CUX2: variants seen among roughly 807,000 people sequenced by gnomAD.
CUX2 encodes cut like homeobox 2.
Under a neutral mutation model 144.8 loss-of-function variants are expected in CUX2, and 40 were observed. The observed-to-expected ratio is 0.28, with a 90% CI of 0.21 to 0.36. CUX2 has a LOEUF of 0.36. CUX2 is among the 10% of genes least tolerant of loss of function. The probability of loss-of-function intolerance (pLI) is 1.00; values close to 1 mark genes in which losing one functional copy is unlikely to be tolerated. For synonymous variants in CUX2, 827 were observed against 875.6 expected (o/e 0.94, Z 0.98); for missense variants, 1,615 against 1,994.0 (o/e 0.81, Z 3.62).
At chr12:111,088,876 G>A (rs1384097513) in intron 1 of CUX2, among the ~76,000 whole-genome samples, 1 of 152,152 alleles carries the variant, frequency 6.6e-6, no homozygotes, top group African/African-American at 2.4e-5. Flanking sequence ...CCCGTCTGAC[G>A]AGGCTGACAG....
chr12:111,120,037 G>A (rs906595740), intron 1 of CUX2, among the ~76,000 whole-genome samples: 5 of 152,148 alleles, frequency 3.3e-5, no homozygotes, highest in African/African-American at 4.8e-5. Context: ...CAGCCTGGGC[G>A]ACAGAGTGAG....
Position 111,114,610 on chromosome 12 carries a change from A to G in CUX2, c.63+80370A>G, listed in dbSNP as rs534019895. 1.3e-4 allele frequency among the ~76,000 whole-genome samples: 20 copies of G among 152,186 alleles called. No homozygotes were observed. The South Asian group carries it at 2.1e-3, about 16-fold the overall frequency. ...CCGTGAATGTCTCTAACTCTGCCAC[A>G]CTCCAGCCATACTGGCCTTCTTTCA... is the stretch of plus-strand genomic sequence containing the variant. On this transcript the variant is annotated intron_variant, in intron 1 of 21. Coordinates refer to ENST00000261726, the MANE Select transcript of CUX2 (RefSeq NM_015267.4).
intron 4 of CUX2, among the ~76,000 whole-genome samples, chr12:111,284,296 G>A (rs1050156715): frequency 2.6e-5 from 4 of 152,118 alleles, no homozygotes; most frequent in African/African-American, 9.7e-5. Context: ...TCAGTGCATT[G>A]TCCAGGGTCA....
At position 111,057,563 on chromosome 12, in the gene CUX2, C is replaced by A. The variant is rs77913097; in HGVS notation, c.63+23323C>A. Among the ~76,000 whole-genome samples the A allele has an allele frequency of 2.8e-3, 427 of 152,164 alleles. 2 individuals carry two copies. The highest frequency in any genetic ancestry group is 4.8e-3 in the Non-Finnish European group (329 of 68,004). ...GGGACCCAGACCTCCTTACACGGGC[C>A]CCATCTTTCTCCCTGCCCTAGCCTC... On this transcript the variant is annotated intron_variant, in intron 1 of 21. Transcript: ENST00000261726. The surrounding 1 kb of genome is among the most constrained non-coding windows in gnomAD (Gnocchi z 5.1).
chr12:111,070,372 CCCTT>C (rs760726489), intron 1 of CUX2, among the ~76,000 whole-genome samples: 1 of 144,912 alleles, frequency 6.9e-6, no homozygotes, highest in African/African-American at 2.6e-5. Context: ...CTCCCTCCCT[CCCTT>C]CTTCCTTCCT....
intron 1 of CUX2, among the ~76,000 whole-genome samples, chr12:111,157,090 G>C (rs1200202769): frequency 6.7e-6 from 1 of 150,172 alleles, no homozygotes; most frequent in African/African-American, 2.5e-5. Flanking sequence ...GGGCTACACT[G>C]ATTTTTTTGC....
rs918746512 is a variant in CUX2, at chr12:111,287,438, A to T, written c.302-3980A>T. On this transcript the variant is annotated intron_variant, in intron 4 of 21. Coordinates refer to ENST00000261726, the MANE Select transcript of CUX2 (RefSeq NM_015267.4). This position sits in a 1 kb window ranked among gnomAD's most constrained non-coding sequence, Gnocchi z 4.2. ...TTTTCCTCCTGTCTCAAAAACCGGG[A>T]CACAATAGGAAGCGTTTCCTTGAAC... Among the ~76,000 whole-genome samples, 1 of 152,240 alleles carries T rather than the reference A, an allele frequency of 6.6e-6. No homozygotes were observed. The highest frequency in any genetic ancestry group is 2.4e-5 in the African/African-American group (1 of 41,460).
At chr12:111,157,574 G>T (rs1253277693) in intron 1 of CUX2, among the ~76,000 whole-genome samples, 1 of 152,200 alleles carries the variant, frequency 6.6e-6, no homozygotes, top group African/African-American at 2.4e-5. Flanking sequence ...TTGCAGGTGA[G>T]GATGGGTGAT....
intron 1 of CUX2, among the ~76,000 whole-genome samples, chr12:111,118,780 A>AAAAAATACAG (rs1344811289): frequency 5.3e-5 from 8 of 152,166 alleles, no homozygotes; most frequent in African/African-American, 1.9e-4. Flanking sequence ...AGAGAGCTTA[A>AAAAAATACAG]AAAAATACAG....
intron 4 of CUX2, among the ~76,000 whole-genome samples, chr12:111,279,077 C>T (rs926329424): frequency 1.3e-5 from 2 of 152,116 alleles, no homozygotes; most frequent in African/African-American, 4.8e-5. Context: ...GTGGAAAATA[C>T]CCAGGGAAGT....
Position 111,310,303 on chromosome 12 carries a change from C to T in CUX2, c.1521C>T (p.Phe507=), listed in dbSNP as rs1195056853. The change falls in exon 15 of 22, where the codon TTC becomes TTT. Residue 507 remains phenylalanine, a synonymous_variant. Transcript: ENST00000261726. The surrounding 1 kb of genome is among the most constrained non-coding windows in gnomAD (Gnocchi z 7.9). ...GAGAGGCGGGCGGCCTGCTGGTGTT[C>T]CCCCCAGCCTTCTATGGCGCCAAGC... ...FKGEAGGLLV[F]PPAFYGAKPP... The T allele has an allele frequency of 6.7e-6, 10 of 1,492,418 alleles. No individual in the cohort carries two copies. The highest frequency in any genetic ancestry group is 2.4e-5 in the East Asian group (1 of 41,660). The allele number at this position is 1,492,418 out of a possible 1,614,324, so 92.4% of individuals were successfully genotyped here. A position where few individuals can be genotyped will look rare whatever the true frequency, so the allele number is the denominator to read the frequency against.
chr12:111,186,269 G>A lies in CUX2; in HGVS notation c.64-27931G>A, dbSNP rs1474534079. Among the ~76,000 whole-genome samples, 1 of 152,134 alleles carries A rather than the reference G, an allele frequency of 6.6e-6. No homozygotes were observed. Among genetic ancestry groups the A allele is most frequent in the African/African-American group, 2.4e-5 (1 of 41,424 alleles). On this transcript the variant is annotated intron_variant, in intron 1 of 21. Coordinates refer to ENST00000261726, the MANE Select transcript of CUX2 (RefSeq NM_015267.4). The surrounding 1 kb of genome is among the most constrained non-coding windows in gnomAD (Gnocchi z 4.4). ...ATGCTTAGTCAGGTGACACTTATGG[G>A]GACCAGCTGTGTACTGAGCCAGGTG...
intron 1 of CUX2, among the ~76,000 whole-genome samples, chr12:111,075,343 G>C (rs1157967088): frequency 4.6e-5 from 7 of 152,276 alleles, no homozygotes; most frequent in South Asian, 2.1e-4. Flanking sequence ...AGAGGTCAGA[G>C]GGGCTTCAGA....
chr12:111,151,079 T>C (rs959050645), intron 1 of CUX2, among the ~76,000 whole-genome samples: 3 of 152,222 alleles, frequency 2.0e-5, no homozygotes, highest in African/African-American at 7.2e-5. Flanking sequence ...TAAGCAGCAG[T>C]AAAATGAAGA....
intron 1 of CUX2, among the ~76,000 whole-genome samples, chr12:111,060,480 T>G (rs946174916): frequency 6.6e-6 from 1 of 152,236 alleles, no homozygotes; most frequent in East Asian, 1.9e-4. Flanking sequence ...CATAATTGAT[T>G]GGAGTTCCTT....
intron 1 of CUX2, among the ~76,000 whole-genome samples, chr12:111,168,073 T>C (rs113957140): frequency 2.2e-4 from 33 of 152,226 alleles, no homozygotes; most frequent in African/African-American, 7.9e-4. Context: ...GTGATAAGAT[T>C]TGAACTCAAG....
In CUX2 at chr12:111,217,856, A is replaced by T. The variant is rs577604581; in HGVS notation, c.175-34A>T. The T allele has an allele frequency of 4.3e-6, 7 of 1,613,480 alleles. No individual in the cohort carries two copies. In the Middle Eastern group the frequency reaches 1.2e-3, roughly 270 times the overall value. ...GGGCCACGGGGGCGTCCCACCTGGC[A>T]CTGTAGTGAACTCTTTGCTGATCTC... On this transcript the variant is annotated intron_variant, in intron 2 of 21. Coordinates refer to ENST00000261726, the MANE Select transcript of CUX2 (RefSeq NM_015267.4).
intron 3 of CUX2, among the ~76,000 whole-genome samples, chr12:111,252,841 C>T (rs1043803724): frequency 6.0e-5 from 9 of 150,962 alleles, no homozygotes; most frequent in Non-Finnish European, 1.3e-4. Flanking sequence ...GCAGGAGGAT[C>T]ACATGAGCCC....
intron 1 of CUX2, among the ~76,000 whole-genome samples, chr12:111,145,075 T>A (rs1876581846): frequency 6.6e-6 from 1 of 152,148 alleles, no homozygotes; most frequent in Admixed American, 6.5e-5. Context: ...TCCCAAGAAG[T>A]CTTCTGAGCC....
Sources: gnomAD v4.1 joint callset for allele counts (sites outside exome capture counted in the v4.1 genomes callset) on GRCh38, gnomAD v4.1.1 for gene constraint, Gnocchi (gnomAD v3.1) non-coding constraint, MANE v1.5 for transcripts, NCBI Gene and HGNC (gene_info 2026-07-23, HGNC 2026-07-21) for gene names.